NELFA: variants seen among roughly 807,000 people sequenced by gnomAD.
NELFA encodes the protein negative elongation factor complex member A, also known as negative elongation factor A.
NELFA carries 35 observed loss-of-function variants against 51.8 expected under a neutral mutation model. The ratio of observed to expected loss-of-function variants is 0.68; its 90% CI spans 0.52 to 0.90. The LOEUF is 0.90. Ranked by LOEUF, NELFA falls within the 40% of genes least tolerant of loss-of-function variation. The pLI is 0.00. For missense variants in NELFA, 658 were observed against 746.4 expected, an observed-to-expected ratio of 0.88 and a Z score of 1.38; for synonymous variants, 417 against 338.4, an observed-to-expected ratio of 1.23 and a Z score of -2.55.
intron 2 of NELFA, among the ~76,000 whole-genome samples, chr4:1,991,283 G>C (rs566013767): frequency 6.6e-6 from 1 of 152,288 alleles, no homozygotes; most frequent in South Asian, 2.1e-4. Context: ...AGAGAGAGAC[G>C]GCGAGTGGCG....
chr4:1,983,802 GTACCACCTACCTGGTGGCCTGTGGGCCC>G lies in NELFA; in HGVS notation c.1302+18_1302+45del. 1 of 1,578,226 alleles carries G rather than the reference GTACCACCTACCTGGTGGCCTGTGGGCCC, an allele frequency of 6.3e-7. No individual in the cohort carries two copies. Among genetic ancestry groups the G allele is most frequent in the Non-Finnish European group, 8.6e-7 (1 of 1,160,068 alleles). ...CACGCTAGGGGAGGTGGCCAGGGCC[GTACCACCTACCTGGTGGCCTGTGGGCCC>G]TACCAGTGTACACCTACCGTGAGGG... On this transcript the variant is annotated intron_variant, in intron 9 of 10. Transcript: ENST00000382882.
intron 1 of NELFA, among the ~76,000 whole-genome samples, chr4:1,999,687 T>C (rs545012858): frequency 2.0e-5 from 3 of 152,236 alleles, no homozygotes; most frequent in East Asian, 1.9e-4. Context: ...CACACAATAA[T>C]AGGGGGAGAC....
chr4:1,994,948 G>A (rs146669433), intron 1 of NELFA, among the ~76,000 whole-genome samples: 9 of 152,308 alleles, frequency 5.9e-5, no homozygotes, highest in Non-Finnish European at 1.3e-4. Context: ...CAGATGCCAT[G>A]CATAAGGTTA....
intron 1 of NELFA, among the ~76,000 whole-genome samples, chr4:1,994,376 C>T (rs1458137669): frequency 6.6e-6 from 1 of 152,152 alleles, no homozygotes; most frequent in South Asian, 2.1e-4. Flanking sequence ...ATCAGCCTGT[C>T]CAACATGGCG....
chr4:1,997,757 A>G (rs866946624), intron 1 of NELFA, among the ~76,000 whole-genome samples: 8 of 152,180 alleles, frequency 5.3e-5, no homozygotes, highest in African/African-American at 1.9e-4. Context: ...CCCCCACTGA[A>G]GCACACTCCC....
rs142910908 is a variant in NELFA, at chr4:1,991,638, G to C, written c.288C>G (p.Ile96Met). 7.4e-6 allele frequency: 12 copies of C among 1,613,934 alleles called. No homozygotes were observed. In the Admixed American group the frequency reaches 2.0e-4, roughly 27 times the overall value. ...SDPWVLMVAD[I>M]LKSFPDTGSL... is the part of the protein sequence containing the mutation. ...AGCCTGTGTCCGGAAAGGACTTCAA[G>C]ATGTCGGCGACCATGAGCACCCAGG... is the stretch of plus-strand genomic sequence containing the variant. Residue 96 changes from isoleucine (I) to methionine (M), a missense_variant, in exon 2 of 11, where the codon ATC (isoleucine) becomes ATG (methionine). Physicochemically the swap from Ile to Met is conservative, Grantham distance 10 (BLOSUM62 1). Coordinates refer to ENST00000382882, the MANE Select transcript of NELFA (RefSeq NM_005663.5).
At position 2,008,805 on chromosome 4, in the gene NELFA, A is replaced by G; in HGVS notation, c.155T>C (p.Val52Ala). The G allele has an allele frequency of 6.2e-7, 1 of 1,612,812 alleles. No individual in the cohort carries two copies. Among genetic ancestry groups the G allele is most frequent in the Non-Finnish European group, 8.5e-7 (1 of 1,179,610 alleles). ...CGTCCCGAGTAGCAACTTGAGCTTC[A>G]CTGCCGACGAGAGGCCATGGAAGCA... ...RLCFHGLSSA[V>A]KLKLLLGTLH... Residue 52 changes from valine to alanine, a missense_variant, in exon 1 of 11, where the codon GTG becomes GCG. Coordinates refer to ENST00000382882, the MANE Select transcript of NELFA (RefSeq NM_005663.5).
chr4:1,996,960 G>C (rs999429032), intron 1 of NELFA, among the ~76,000 whole-genome samples: 1 of 151,624 alleles, frequency 6.6e-6, no homozygotes. Context: ...TAAAAAAAAA[G>C]AAAAGTAGGC....
At chr4:1,988,399 CGAA>C (rs1728175995) in intron 3 of NELFA, among the ~76,000 whole-genome samples, 2 of 152,246 alleles carry the variant, frequency 1.3e-5, no homozygotes, top group African/African-American at 4.8e-5. Context: ...AAGAAACAAA[CGAA>C]GAGATATTCC....
At chr4:2,005,308 C>T (rs557314835) in intron 1 of NELFA, among the ~76,000 whole-genome samples, 7 of 148,414 alleles carry the variant, frequency 4.7e-5, no homozygotes, top group Middle Eastern at 3.5e-3. Flanking sequence ...TCCAGTGAGA[C>T]GAGAAAAAAA....
At chr4:2,002,141 A>G (rs1728597139) in intron 1 of NELFA, among the ~76,000 whole-genome samples, 1 of 152,016 alleles carries the variant, frequency 6.6e-6, no homozygotes, top group Non-Finnish European at 1.5e-5. Flanking sequence ...CGGAGCTTGC[A>G]ATGAGCCAAG....
chr4:1,990,542 ATC>A (rs1365779767), intron 2 of NELFA: 2 of 456,534 alleles, frequency 4.4e-6, no homozygotes, highest in Admixed American at 4.7e-5. Flanking sequence ...CTCCAGAGGC[ATC>A]TGTGTGGTGT....
intron 2 of NELFA, chr4:1,990,292 C>T (rs921404653): frequency 2.9e-5 from 12 of 420,108 alleles, no homozygotes; most frequent in East Asian, 7.0e-5. Context: ...TCTCCTGGAA[C>T]CCTGGCCCTC....
In NELFA at chr4:2,008,854, C is replaced by G. The variant is rs753200372; in HGVS notation, c.106G>C (p.Ala36Pro). ...PPSIASLLTA[A>P]VIDNIRLCFH... is the part of the protein sequence containing the mutation. ...CAGAGACGGATGTTGTCGATGACCG[C>G]GGCCGTGAGCAGGGACGCGATGCTG... The change falls in exon 1 of 11, where the codon GCG becomes CCG. Residue 36 changes from alanine (A) to proline (P), a missense_variant. Physicochemically the swap from Ala to Pro is conservative, Grantham distance 27. This residue lies in a region of NELFA where 371 missense variants were observed against 448.3 expected (regional missense o/e 0.83). Transcript: ENST00000382882. The G allele has an allele frequency of 8.7e-6, 14 of 1,605,962 alleles. No individual in the cohort carries two copies. The highest frequency in any genetic ancestry group is 1.1e-5 in the South Asian group (1 of 89,360).
rs774564769 is a variant in NELFA, at chr4:1,989,474, C to G, written c.544+234G>C. On this transcript the variant is annotated intron_variant, in intron 3 of 10. Coordinates refer to ENST00000382882, the MANE Select transcript of NELFA (RefSeq NM_005663.5). The surrounding 1 kb of genome is among the most constrained non-coding windows in gnomAD (Gnocchi z 4.8). Reference sequence around the variant, plus strand: ...TTCCGAGTAGCTGGGAGCACAGGCACGCACCACCATGCCCGGCTAATGTTT... The same window carrying G: ...TTCCGAGTAGCTGGGAGCACAGGCAGGCACCACCATGCCCGGCTAATGTTT... 1.3e-5 allele frequency among the ~76,000 whole-genome samples: 2 copies of G among 151,948 alleles called. No homozygotes were observed. Among genetic ancestry groups the G allele is most frequent in the Non-Finnish European group, 2.9e-5 (2 of 68,012 alleles).
intron 7 of NELFA, among the ~76,000 whole-genome samples, chr4:1,985,506 C>T (rs1433502493): frequency 2.0e-5 from 3 of 152,156 alleles, no homozygotes; most frequent in Non-Finnish European, 4.4e-5. Flanking sequence ...CCTGACGGGA[C>T]ACTGAGGCAC....
intron 1 of NELFA, among the ~76,000 whole-genome samples, chr4:1,993,587 A>AAG (rs1488815798): frequency 6.6e-6 from 1 of 151,718 alleles, no homozygotes; most frequent in East Asian, 1.9e-4. Flanking sequence ...TCAAAAAAAA[A>AAG]AAAGAAAGAA....
chr4:1,997,525 T>C (rs1407388510), intron 1 of NELFA, among the ~76,000 whole-genome samples: 2 of 152,250 alleles, frequency 1.3e-5, no homozygotes, highest in African/African-American at 4.8e-5. Flanking sequence ...TACATGTCAA[T>C]AGATATTTAA....
chr4:1,988,076 T>A, intron 3 of NELFA, 69 bp from the exon 4 acceptor site: 1 of 1,328,128 alleles, frequency 7.5e-7, no homozygotes, highest in East Asian at 2.4e-5. Flanking sequence ...TAAAAACATC[T>A]CTGTCAAGTG....
Sources: gnomAD v4.1 joint callset for allele counts (sites outside exome capture counted in the v4.1 genomes callset) on GRCh38, gnomAD v4.1.1 for gene constraint, gnomAD v4.1.1 regional missense constraint, Gnocchi (gnomAD v3.1) non-coding constraint, MANE v1.5 for transcripts, NCBI Gene and HGNC (gene_info 2026-07-23, HGNC 2026-07-21) for gene names.